Variants in SOX7 observed in about 807,000 individuals in gnomAD.
SOX7 encodes the protein transcription factor SOX-7.
Under a neutral mutation model 24.9 loss-of-function variants are expected in SOX7, and 19 were observed. The observed-to-expected ratio is 0.76, with a 90% CI of 0.53 to 1.12. The LOEUF (loss-of-function observed/expected upper bound fraction) is 1.12. Among genes scored for constraint, SOX7 ranks in the 50% most tolerant of loss-of-function variants. The pLI, the probability that SOX7 is intolerant of heterozygous loss-of-function variation, is 0.00. For missense variants in SOX7, 702 were observed against 535.0 expected (o/e 1.31, Z -3.08); for synonymous variants, 327 against 244.5 (o/e 1.34, Z -3.15).
chr8:10,726,363 C>A lies in SOX7; in HGVS notation c.542G>T (p.Gly181Val). 6.2e-7 allele frequency: 1 copy of A among 1,612,826 alleles called. No homozygotes were observed. Among genetic ancestry groups the A allele is most frequent in the South Asian group, 1.1e-5 (1 of 91,008 alleles). Residue 181 changes from glycine (G) to valine (V), a missense_variant, in exon 2 of 2, where the codon GGG (glycine) becomes GTG (valine). Gly to Val is a moderately radical substitution (Grantham distance 109, BLOSUM62 -3). Transcript: ENST00000304501. ...GCCGCCGCCGCCACCACCAGCCGGC[C>A]CCTCGTGGTAGCAGCCCCGGAGGCT... is the stretch of plus-strand genomic sequence containing the variant. ...LPSLRGCYHE[G>V]PAGGGGGGTP...
In SOX7 at chr8:10,725,799, C is replaced by T; in HGVS notation, c.1106G>A (p.Ser369Asn). The change falls in exon 2 of 2, where the codon AGC becomes AAC. Residue 369 changes from serine (S) to asparagine (N), a missense_variant. Physicochemically the swap from Ser to Asn is conservative, Grantham distance 46. Transcript: ENST00000304501. ...QVTPTGPTET[S>N]LISVLADATA... ...GGCATCAGCCAGGACGGAGATGAGG[C>T]TGGTCTCTGTGGGACCCGTTGGTGT... The T allele has an allele frequency of 6.2e-7, 1 of 1,614,238 alleles. No homozygotes were observed. The highest frequency in any genetic ancestry group is 8.5e-7 in the Non-Finnish European group (1 of 1,180,046).
rs1317860356 is a variant in SOX7, at chr8:10,723,830, C to G, written c.*1908G>C. 3 of 152,528 alleles carry G rather than the reference C, an allele frequency of 2.0e-5. No individual in the cohort carries two copies. The highest frequency in any genetic ancestry group is 4.4e-5 in the Non-Finnish European group (3 of 68,016). 9.4% of individuals were successfully genotyped at this position (152,528 alleles called of 1,614,324 possible). On this transcript the variant is annotated 3_prime_UTR_variant, in exon 2 of 2. Coordinates refer to ENST00000304501, the MANE Select transcript of SOX7 (RefSeq NM_031439.4). ...CAACAAATTAATATTGACAACTGTT[C>G]CAAAGTATGAGTTGTTCTTTCAAAA...
chr8:10,729,966 T>C (rs1219661726), intron 1 of SOX7, among the ~76,000 whole-genome samples: 1 of 152,048 alleles, frequency 6.6e-6, no homozygotes, highest in Non-Finnish European at 1.5e-5. Context: ...GGAGCCTCCC[T>C]GCCCGCCGCG....
chr8:10,723,770 A>C lies in SOX7; in HGVS notation c.*1968T>G, dbSNP rs149383884. 6.5e-6 allele frequency: 1 copy of C among 152,732 alleles called. No homozygotes were observed. Among genetic ancestry groups the C allele is most frequent in the East Asian group, 1.9e-4 (1 of 5,192 alleles). 9.5% of individuals were successfully genotyped at this position (152,732 alleles called of 1,614,324 possible). On this transcript the variant is annotated 3_prime_UTR_variant, in exon 2 of 2. Transcript: ENST00000304501. ...CTATATTTCAAAAGATAGAACAGTCATGGTACAAAAATGTTTATTTAAATT... is the reference window on the plus strand; with the variant it reads ...CTATATTTCAAAAGATAGAACAGTCCTGGTACAAAAATGTTTATTTAAATT...
In SOX7 at chr8:10,730,125, G is replaced by C; in HGVS notation, c.238+71C>G. 8.4e-7 allele frequency: 1 copy of C among 1,195,466 alleles called. No individual in the cohort carries two copies. The highest frequency in any genetic ancestry group is 1.1e-6 in the Non-Finnish European group (1 of 924,310). The allele number at this position is 1,195,466 out of a possible 1,614,324, so 74.1% of individuals were successfully genotyped here. A position where few individuals can be genotyped will look rare whatever the true frequency, so the allele number is the denominator to read the frequency against. On this transcript the variant is annotated intron_variant, in intron 1 of 1. Transcript: ENST00000304501. The surrounding 1 kb of genome is among the most constrained non-coding windows in gnomAD (Gnocchi z 4.8). ...TTCCCCAGGCTCCGCGCTCGCACCC[G>C]CCCTGCAGTGCCGCCAGCCGCCCGC...
intron 1 of SOX7, chr8:10,729,770 A>T (rs758863788): frequency 6.5e-6 from 1 of 153,262 alleles, no homozygotes; most frequent in Non-Finnish European, 1.5e-5. Flanking sequence ...CCCAATTGTA[A>T]GGTCCAGGGA....
chr8:10,725,802 G>A lies in SOX7; in HGVS notation c.1103C>T (p.Thr368Ile), dbSNP rs201358923. 6 of 1,614,226 alleles carry A rather than the reference G, an allele frequency of 3.7e-6. No individual in the cohort carries two copies. In the Admixed American group the frequency reaches 1.0e-4, roughly 27 times the overall value. The part of the protein sequence containing the change: ...SQVTPTGPTE[T>I]SLISVLADAT... Reference sequence around the variant, plus strand: ...ATCAGCCAGGACGGAGATGAGGCTGGTCTCTGTGGGACCCGTTGGTGTCAC... The same window carrying A: ...ATCAGCCAGGACGGAGATGAGGCTGATCTCTGTGGGACCCGTTGGTGTCAC... Residue 368 changes from threonine (T) to isoleucine (I), a missense_variant, in exon 2 of 2, where the codon ACC (threonine) becomes ATC (isoleucine). By Grantham distance (89) the Thr-to-Ile change is moderately conservative. Transcript: ENST00000304501.
In SOX7 at chr8:10,726,131, G is replaced by A. The variant is rs376120936; in HGVS notation, c.774C>T (p.Gly258=). ...PSPLHCSHPL[G]SLALGQSPGV... ...CGGGGGACTGGCCAAGGGCCAGGGA[G>A]CCCAGGGGGTGGCTACAGTGGAGAG... is the stretch of plus-strand genomic sequence containing the variant. The change falls in exon 2 of 2, where the codon GGC becomes GGT. Residue 258 remains glycine (G), a synonymous_variant. Coordinates refer to ENST00000304501, the MANE Select transcript of SOX7 (RefSeq NM_031439.4). 1.1e-5 allele frequency: 17 copies of A among 1,583,012 alleles called. No individual in the cohort carries two copies. The highest frequency in any genetic ancestry group is 1.7e-5 in the Admixed American group (1 of 57,238).
At chr8:10,729,771 G>C (rs1425359754) in intron 1 of SOX7, 1 of 153,416 alleles carries the variant, frequency 6.5e-6, no homozygotes, top group Non-Finnish European at 1.5e-5. Flanking sequence ...CCAATTGTAA[G>C]GTCCAGGGAA....
intron 1 of SOX7, among the ~76,000 whole-genome samples, chr8:10,728,373 G>C (rs759754895): frequency 1.3e-5 from 2 of 152,126 alleles, no homozygotes; most frequent in African/African-American, 2.4e-5. Context: ...GTTGAGACTC[G>C]CATATCCAGC....
At position 10,728,713 on chromosome 8, in the gene SOX7, C is replaced by T. The variant is rs145217243; in HGVS notation, c.238+1483G>A. Among the ~76,000 whole-genome samples, 541 of 152,350 alleles carry T rather than the reference C, an allele frequency of 3.6e-3. 4 individuals carry two copies. The highest frequency in any genetic ancestry group is 0.012 in the African/African-American group (509 of 41,582). ...ACTCTGCAGAGCCATGCTCCTCTCT[C>T]CTCCCCATTCCCTGGCCCAGGCCTG... On this transcript the variant is annotated intron_variant, in intron 1 of 1. Transcript: ENST00000304501.
At chr8:10,729,623 C>A (rs1333880721) in intron 1 of SOX7, 1 of 152,200 alleles carries the variant, frequency 6.6e-6, no homozygotes, top group Non-Finnish European at 1.5e-5. Context: ...CGAATCGAGT[C>A]TATTTGGGTA....
chr8:10,725,553 G>C lies in SOX7; in HGVS notation c.*185C>G. On this transcript the variant is annotated 3_prime_UTR_variant, in exon 2 of 2. Transcript: ENST00000304501. ...TGGGCTGCAGGGGCTGGAACGTGGGGAAGGGGATAGAGGCGGCACTCGGAT... is the reference window on the plus strand; with the variant it reads ...TGGGCTGCAGGGGCTGGAACGTGGGCAAGGGGATAGAGGCGGCACTCGGAT... 1.6e-6 allele frequency: 1 copy of C among 617,464 alleles called. No individual in the cohort carries two copies. Among genetic ancestry groups the C allele is most frequent in the Admixed American group, 2.9e-5 (1 of 33,974 alleles). The allele number at this position is 617,464 out of a possible 1,614,324, so 38.2% of individuals were successfully genotyped here. A position where few individuals can be genotyped will look rare whatever the true frequency, so the allele number is the denominator to read the frequency against.
chr8:10,730,097 G>T lies in SOX7; in HGVS notation c.238+99C>A. 1 of 887,356 alleles carries T rather than the reference G, an allele frequency of 1.1e-6. No individual in the cohort carries two copies. The highest frequency in any genetic ancestry group is 1.5e-6 in the Non-Finnish European group (1 of 664,200). The allele number at this position is 887,356 out of a possible 1,614,324, so 55.0% of individuals were successfully genotyped here. A position where few individuals can be genotyped will look rare whatever the true frequency, so the allele number is the denominator to read the frequency against. Reference sequence around the variant, plus strand: ...AGAGGGCCCTCGTCCCGCGTGCCGGGTCTTCCCCAGGCTCCGCGCTCGCAC... The same window carrying T: ...AGAGGGCCCTCGTCCCGCGTGCCGGTTCTTCCCCAGGCTCCGCGCTCGCAC... On this transcript the variant is annotated intron_variant, in intron 1 of 1. Transcript: ENST00000304501. The surrounding 1 kb of genome is among the most constrained non-coding windows in gnomAD (Gnocchi z 4.8).
rs1331368076 is a variant in SOX7, at chr8:10,726,381, C to G, written c.524G>C (p.Arg175Pro). 5 of 1,612,398 alleles carry G rather than the reference C, an allele frequency of 3.1e-6. No homozygotes were observed. The highest frequency in any genetic ancestry group is 4.5e-5 in the East Asian group (2 of 44,852). ...YSPGTALPSL[R>P]GCYHEGPAGG... is the part of the protein sequence containing the mutation. ...AGCCGGCCCCTCGTGGTAGCAGCCC[C>G]GGAGGCTGGGCAGGGCAGTGCCGGG... Residue 175 changes from arginine to proline, a missense_variant, in exon 2 of 2, where the codon CGG becomes CCG. By Grantham distance (103) the Arg-to-Pro change is moderately radical (BLOSUM62 -2). Coordinates refer to ENST00000304501, the MANE Select transcript of SOX7 (RefSeq NM_031439.4).
chr8:10,730,182 G>A lies in SOX7; in HGVS notation c.238+14C>T. On this transcript the variant is annotated intron_variant, in intron 1 of 1. Transcript: ENST00000304501. This position sits in a 1 kb window ranked among gnomAD's most constrained non-coding sequence, Gnocchi z 4.8. ...CCCCCGGCCCCCAGCCCGCTCGGCC[G>A]CGCGCTCACTCACCCAGCATCTTGC... is the stretch of plus-strand genomic sequence containing the variant. The A allele has an allele frequency of 7.1e-7, 1 of 1,408,436 alleles. No individual in the cohort carries two copies. The highest frequency in any genetic ancestry group is 1.5e-5 in the African/African-American group (1 of 65,610). The allele number at this position is 1,408,436 out of a possible 1,614,324, so 87.2% of individuals were successfully genotyped here.
chr8:10,728,392 C>T (rs1800195907), intron 1 of SOX7, among the ~76,000 whole-genome samples: 1 of 152,170 alleles, frequency 6.6e-6, no homozygotes, highest in African/African-American at 2.4e-5. Flanking sequence ...GCCTTTTCCT[C>T]TCAGGTCAGA....
chr8:10,726,908 T>C (rs934480886), intron 1 of SOX7, among the ~76,000 whole-genome samples: 1 of 152,224 alleles, frequency 6.6e-6, no homozygotes, highest in East Asian at 1.9e-4. Context: ...ACAGAAAGCA[T>C]CACCTCTCAT....
chr8:10,730,405 C>A lies in SOX7; in HGVS notation c.29G>T (p.Trp10Leu). Residue 10 changes from tryptophan to leucine, a missense_variant, in exon 1 of 2, where the codon TGG (tryptophan) becomes TTG (leucine). Physicochemically the swap from Trp to Leu is moderately conservative, Grantham distance 61 (BLOSUM62 -2). Transcript: ENST00000304501. This position sits in a 1 kb window ranked among gnomAD's most constrained non-coding sequence, Gnocchi z 4.8. MASLLGAYP[W>L]PEGLECPALD... ...GGCCGGGCACTCGAGACCCTCGGGC[C>A]AAGGGTAGGCTCCCAGCAGCGAAGC... The A allele has an allele frequency of 6.6e-7, 1 of 1,504,878 alleles. No homozygotes were observed. Among genetic ancestry groups the A allele is most frequent in the Non-Finnish European group, 8.8e-7 (1 of 1,133,490 alleles). 93.2% of individuals were successfully genotyped at this position (1,504,878 alleles called of 1,614,324 possible).
Sources: allele counts gnomAD v4.1 joint callset (sites outside exome capture counted in the v4.1 genomes callset), GRCh38; gene constraint gnomAD v4.1.1; non-coding constraint Gnocchi (gnomAD v3.1); transcripts MANE v1.5; gene names NCBI Gene and HGNC (gene_info 2026-07-23, HGNC 2026-07-21).